Variants in CDIN1 observed in about 807,000 individuals in gnomAD.
The protein encoded by CDIN1 is CDAN1 interacting nuclease 1.
Under a neutral mutation model 45.3 loss-of-function variants are expected in CDIN1, and 33 were observed. That is an observed-to-expected ratio of 0.73 (90% CI 0.55 to 0.97). The LOEUF is 0.97. CDIN1 is among the 50% of genes least tolerant of loss of function. CDIN1 has a pLI of 0.00. For missense variants in CDIN1, 303 were observed against 339.4 expected (o/e 0.89, Z 0.84); for synonymous variants, 118 against 124.4 (o/e 0.95, Z 0.34).
rs1003341903 is a variant in CDIN1 at position 36,783,367 on chromosome 15, G to A, written c.717-24957G>A. Among the ~76,000 whole-genome samples, 6 of 148,884 alleles carry A rather than the reference G, an allele frequency of 4.0e-5. No individual in the cohort carries two copies. The East Asian group carries it at 6.3e-4, about 16-fold the overall frequency. The stretch of plus-strand genomic sequence containing the variant: ...GAGTAGCTTTTTTTTTTTTAATGCT[G>A]TTTAAAAGTTTTTTGCAAGTTCCTG... On this transcript the variant is annotated intron_variant, in intron 10 of 10. Coordinates refer to ENST00000566621, the MANE Select transcript of CDIN1 (RefSeq NM_001321759.2).
chr15:36,785,789 G>A (rs977350991), intron 10 of CDIN1, among the ~76,000 whole-genome samples: 1 of 152,210 alleles, frequency 6.6e-6, no homozygotes, highest in African/African-American at 2.4e-5. Flanking sequence ...TATTGTAACT[G>A]AGAAACTGCT....
intron 1 of CDIN1, among the ~76,000 whole-genome samples, chr15:36,585,865 T>G (rs375611367): frequency 2.7e-4 from 41 of 152,334 alleles, no homozygotes; most frequent in African/African-American, 9.4e-4. Flanking sequence ...TATGTTTTAC[T>G]ATAGAGTCTT....
chr15:36,724,612 G>T (rs1397548086), intron 10 of CDIN1, among the ~76,000 whole-genome samples: 3 of 152,068 alleles, frequency 2.0e-5, no homozygotes, highest in African/African-American at 7.2e-5. Flanking sequence ...GATCATCCAT[G>T]GTAGAAAGAG....
chr15:36,613,623 C>T (rs775293929), intron 1 of CDIN1: 3 of 1,445,128 alleles, frequency 2.1e-6, no homozygotes, highest in Non-Finnish European at 2.9e-6. Flanking sequence ...GAGGTGGCCT[C>T]CTTGAACCGT....
intron 1 of CDIN1, among the ~76,000 whole-genome samples, chr15:36,581,877 C>T (rs2037063490): frequency 6.6e-6 from 1 of 152,228 alleles, no homozygotes; most frequent in Admixed American, 6.5e-5. Flanking sequence ...ATCTTTTACC[C>T]ATGCCTGATT....
intron 10 of CDIN1, among the ~76,000 whole-genome samples, chr15:36,805,500 A>G (rs906542368): frequency 1.3e-5 from 2 of 152,194 alleles, no homozygotes; most frequent in East Asian, 3.9e-4. Context: ...TGCCACAGTA[A>G]ATAAGAATAG....
At chr15:36,612,733 A>T (rs925320989) in intron 1 of CDIN1, among the ~76,000 whole-genome samples, 1 of 152,114 alleles carries the variant, frequency 6.6e-6, no homozygotes, top group African/African-American at 2.4e-5. Flanking sequence ...TCCTGCAATG[A>T]CTAGTCTGCA....
At chr15:36,756,188 T>G (rs1424089322) in intron 10 of CDIN1, 1 of 453,784 alleles carries the variant, frequency 2.2e-6, no homozygotes, top group Non-Finnish European at 4.4e-6. Flanking sequence ...GAACTGTAAT[T>G]ATCTTAAATG....
intron 10 of CDIN1, among the ~76,000 whole-genome samples, chr15:36,712,827 C>G (rs2043102287): frequency 6.6e-6 from 1 of 152,078 alleles, no homozygotes; most frequent in Non-Finnish European, 1.5e-5. Flanking sequence ...AACAACTACT[C>G]AAAACTCTGT....
chr15:36,769,303 C>T (rs907670364), intron 10 of CDIN1, among the ~76,000 whole-genome samples: 3 of 152,064 alleles, frequency 2.0e-5, no homozygotes, highest in African/African-American at 4.8e-5. Context: ...CAGGATAGGC[C>T]GGCAGACTGG....
At chr15:36,757,356 C>A (rs955957890) in intron 10 of CDIN1, among the ~76,000 whole-genome samples, 2 of 152,156 alleles carry the variant, frequency 1.3e-5, no homozygotes, top group Non-Finnish European at 2.9e-5. Flanking sequence ...AGTATTAACT[C>A]TTCACAGTAG....
At chr15:36,625,523 C>T (rs962608222) in intron 1 of CDIN1, among the ~76,000 whole-genome samples, 2 of 152,064 alleles carry the variant, frequency 1.3e-5, no homozygotes, top group Non-Finnish European at 2.9e-5. Context: ...TAAGCAAAAC[C>T]AGAAAATATT....
chr15:36,619,913 A>AT (rs563736119), intron 1 of CDIN1, among the ~76,000 whole-genome samples: 59 of 145,950 alleles, frequency 4.0e-4, no homozygotes, highest in East Asian at 3.4e-3. Context: ...ACTTGAGTAG[A>AT]TTTTTTTTTT....
intron 5 of CDIN1, among the ~76,000 whole-genome samples, chr15:36,661,674 T>C (rs1566877088): frequency 6.6e-6 from 1 of 152,154 alleles, no homozygotes; most frequent in Non-Finnish European, 1.5e-5. Flanking sequence ...TTTTTTGTTA[T>C]TGTTCAATGC....
intron 5 of CDIN1, among the ~76,000 whole-genome samples, chr15:36,666,317 G>A (rs2041247440): frequency 6.6e-6 from 1 of 152,172 alleles, no homozygotes; most frequent in African/African-American, 2.4e-5. Flanking sequence ...AGTAGACTGA[G>A]AATTATCATG....
chr15:36,582,380 G>T (rs541041004), intron 1 of CDIN1, among the ~76,000 whole-genome samples: 1 of 152,276 alleles, frequency 6.6e-6, no homozygotes, highest in South Asian at 2.1e-4. Flanking sequence ...GTATTCAAGG[G>T]TTGAGATTTA....
Position 36,618,573 on chromosome 15 carries a change from A to C in CDIN1, c.102-25705A>C. 3 of 895,402 alleles carry C rather than the reference A, an allele frequency of 3.4e-6. No homozygotes were observed. In the Admixed American group the frequency reaches 5.1e-5, roughly 15 times the overall value. 55.5% of individuals were successfully genotyped at this position (895,402 alleles called of 1,614,324 possible). A position where few individuals can be genotyped will look rare whatever the true frequency, so the allele number is the denominator to read the frequency against. ...GAAGTTCATCAAGAATCCCAGATAA[A>C]CTCATTTTGGAGAATAGGATGTCTG... On this transcript the variant is annotated intron_variant, in intron 1 of 10. Transcript: ENST00000566621.
In CDIN1 at chr15:36,618,591, G is replaced by A. The variant is rs148501419; in HGVS notation, c.102-25687G>A. On this transcript the variant is annotated intron_variant, in intron 1 of 10. Coordinates refer to ENST00000566621, the MANE Select transcript of CDIN1 (RefSeq NM_001321759.2). ...CAGATAAACTCATTTTGGAGAATAG[G>A]ATGTCTGATGTTGTTAAAGGTGTCT... 2.2e-4 allele frequency: 187 copies of A among 842,138 alleles called. No homozygotes were observed. The East Asian group carries it at 3.5e-3, about 16-fold the overall frequency. The allele number at this position is 842,138 out of a possible 1,614,324, so 52.2% of individuals were successfully genotyped here.
intron 1 of CDIN1, among the ~76,000 whole-genome samples, chr15:36,639,119 G>A (rs8027206): frequency 0.51 from 77,834 of 152,012 alleles, 20,236 homozygotes; most frequent in Admixed American, 0.59. Flanking sequence ...TTATAGAGCC[G>A]TTTGGATTTA....
Sources: allele counts gnomAD v4.1 joint callset (sites outside exome capture counted in the v4.1 genomes callset), GRCh38; gene constraint gnomAD v4.1.1; transcripts MANE v1.5; gene names NCBI Gene and HGNC (gene_info 2026-07-23, HGNC 2026-07-21).